KAZN: variants seen among roughly 807,000 people sequenced by gnomAD.
The protein encoded by KAZN is kazrin.
A neutral mutation model predicts 87.4 loss-of-function variants in KAZN; 40 were observed. The ratio of observed to expected loss-of-function variants is 0.46; its 90% CI spans 0.36 to 0.60. KAZN has a LOEUF of 0.60. Ranked by LOEUF, KAZN falls within the 20% of genes least tolerant of loss-of-function variation. The pLI, the probability that KAZN is intolerant of heterozygous loss-of-function variation, is 0.00. For missense variants in KAZN, 898 were observed against 1,073.9 expected, an observed-to-expected ratio of 0.84 and a Z score of 2.29; for synonymous variants, 466 against 458.3, an observed-to-expected ratio of 1.02 and a Z score of -0.22.
intron 2 of KAZN, among the ~76,000 whole-genome samples, chr1:14,362,821 G>T (rs7549911): frequency 0.32 from 48,397 of 151,978 alleles, 8,379 homozygotes; most frequent in Middle Eastern, 0.43. Flanking sequence ...TGACTCCAAG[G>T]GGTATATTCT....
At chr1:14,828,299 T>C (rs900656064) in intron 1 of KAZN, among the ~76,000 whole-genome samples, 1 of 152,248 alleles carries the variant, frequency 6.6e-6, no homozygotes, top group Non-Finnish European at 1.5e-5. Flanking sequence ...TGTGTAAATA[T>C]TCAGGACTCT....
At chr1:14,587,582 G>A (rs1675932999) in intron 2 of KAZN, among the ~76,000 whole-genome samples, 1 of 152,006 alleles carries the variant, frequency 6.6e-6, no homozygotes, top group Admixed American at 6.6e-5. Context: ...ATGTCATATG[G>A]CCAGAGCAGG....
At chr1:15,087,196 A>G (rs1386373288) in intron 8 of KAZN, among the ~76,000 whole-genome samples, 1 of 152,218 alleles carries the variant, frequency 6.6e-6, no homozygotes, top group East Asian at 1.9e-4. Context: ...CCACATGTGT[A>G]ACTTTATACC....
intron 2 of KAZN, among the ~76,000 whole-genome samples, chr1:14,399,793 C>A (rs1663230300): frequency 6.6e-6 from 1 of 151,214 alleles, no homozygotes; most frequent in South Asian, 2.1e-4. Context: ...AGGAAGGCTT[C>A]CCCGAGGCTC....
chr1:14,815,868 G>T (rs10927558), intron 1 of KAZN, among the ~76,000 whole-genome samples: 49,497 of 151,764 alleles, frequency 0.33, 9,169 homozygotes, highest in East Asian at 0.53. Flanking sequence ...TGGGTTCTGG[G>T]CAGATAAAGG....
At chr1:14,922,560 G>A (rs752527662) in intron 1 of KAZN, among the ~76,000 whole-genome samples, 65 of 152,166 alleles carry the variant, frequency 4.3e-4, no homozygotes, top group Non-Finnish European at 4.7e-4. Context: ...TTGGGAGGCC[G>A]AGGCTGGCGC....
intron 1 of KAZN, among the ~76,000 whole-genome samples, chr1:14,138,955 T>C (rs12079247): frequency 0.55 from 84,251 of 152,052 alleles, 24,701 homozygotes; most frequent in East Asian, 0.72. Context: ...GGCCGATGGA[T>C]TCAAAGAGGC....
At chr1:14,161,313 G>C (rs1645704695) in intron 1 of KAZN, among the ~76,000 whole-genome samples, 1 of 152,186 alleles carries the variant, frequency 6.6e-6, no homozygotes, top group Non-Finnish European at 1.5e-5. Context: ...GTTGGTTCTG[G>C]CTCCCTGTCT....
chr1:15,032,323 G>T (rs543067760), intron 2 of KAZN, among the ~76,000 whole-genome samples: 1 of 151,252 alleles, frequency 6.6e-6, no homozygotes, highest in African/African-American at 2.4e-5. Flanking sequence ...CTCCCGAGTA[G>T]CTGGGACTAC....
intron 1 of KAZN, among the ~76,000 whole-genome samples, chr1:13,910,638 A>G (rs1639621004): frequency 6.6e-6 from 1 of 152,076 alleles, no homozygotes; most frequent in African/African-American, 2.4e-5. Flanking sequence ...AGCGGATGCT[A>G]GCATCATGCT....
chr1:14,075,771 G>C (rs906140276), intron 1 of KAZN, among the ~76,000 whole-genome samples: 3 of 152,114 alleles, frequency 2.0e-5, no homozygotes, highest in African/African-American at 7.2e-5. Context: ...TTGCTGTGGG[G>C]CTGCCCTATA....
intron 1 of KAZN, among the ~76,000 whole-genome samples, chr1:14,776,476 T>C (rs1177137161): frequency 6.6e-6 from 1 of 152,190 alleles, no homozygotes; most frequent in African/African-American, 2.4e-5. Context: ...GCGCTCTTCA[T>C]CCAGGCTGGA....
At chr1:14,413,619 A>AAAC (rs1557701693) in intron 2 of KAZN, among the ~76,000 whole-genome samples, 1 of 140,430 alleles carries the variant, frequency 7.1e-6, no homozygotes, top group African/African-American at 2.6e-5. Flanking sequence ...AAAAAAAAAA[A>AAAC]CGCATTTAAG....
At chr1:14,251,351 C>T (rs1298724936) in intron 2 of KAZN, among the ~76,000 whole-genome samples, 1 of 152,212 alleles carries the variant, frequency 6.6e-6, no homozygotes, top group East Asian at 1.9e-4. Context: ...CCGGCATAGC[C>T]TTGTCCTTGC....
chr1:15,094,409 G>A lies in KAZN; in HGVS notation c.1428+24G>A, dbSNP rs969069327. On this transcript the variant is annotated intron_variant, in intron 9 of 14. Coordinates refer to ENST00000376030, the MANE Select transcript of KAZN (RefSeq NM_201628.3). This position sits in a 1 kb window ranked among gnomAD's most constrained non-coding sequence, Gnocchi z 4.5. The stretch of plus-strand genomic sequence containing the variant: ...AGGTAGGCAACTCCGGGCCCCCTAT[G>A]GGATGCCACCCATGCCCTCTGTGAG... The A allele has an allele frequency of 3.8e-6, 6 of 1,594,846 alleles. No individual in the cohort carries two copies. The African/African-American group carries it at 8.0e-5, about 21-fold the overall frequency.
chr1:15,091,715 T>C (rs1401700570), intron 8 of KAZN, among the ~76,000 whole-genome samples: 3 of 152,074 alleles, frequency 2.0e-5, no homozygotes, highest in African/African-American at 4.8e-5. Flanking sequence ...TCATTGCACA[T>C]ATTCCAACAT....
intron 2 of KAZN, among the ~76,000 whole-genome samples, chr1:14,453,156 C>T (rs1217653909): frequency 2.6e-5 from 4 of 152,144 alleles, no homozygotes; most frequent in African/African-American, 9.6e-5. Context: ...AGGGTTTCAC[C>T]ATGTTATCCA....
chr1:14,125,069 G>A (rs1644835467), intron 1 of KAZN, among the ~76,000 whole-genome samples: 2 of 152,260 alleles, frequency 1.3e-5, no homozygotes, highest in East Asian at 1.9e-4. Context: ...TGTCTCCCAG[G>A]AAGAGGGAAC....
chr1:13,896,507 G>A (rs1032548550), intron 1 of KAZN, among the ~76,000 whole-genome samples: 22 of 152,210 alleles, frequency 1.4e-4, no homozygotes, highest in African/African-American at 4.6e-4. Context: ...GCCCAGGCTG[G>A]TCTTGAACTC....
Sources: gnomAD v4.1 joint callset for allele counts (sites outside exome capture counted in the v4.1 genomes callset) on GRCh38, gnomAD v4.1.1 for gene constraint, Gnocchi (gnomAD v3.1) non-coding constraint, MANE v1.5 for transcripts, NCBI Gene and HGNC (gene_info 2026-07-23, HGNC 2026-07-21) for gene names.